Variants in HBS1L observed in about 807,000 individuals in gnomAD.
HBS1L encodes the protein HBS1 like translational GTPase, also known as HBS1-like protein.
In HBS1L, 55 loss-of-function variants were observed where a neutral mutation model predicts 88.9. That is an observed-to-expected ratio of 0.62 (90% CI 0.50 to 0.77). The LOEUF (loss-of-function observed/expected upper bound fraction) is 0.77, where lower values mean the gene tolerates loss of function less well. Ranked by LOEUF, HBS1L falls within the 30% of genes least tolerant of loss-of-function variation. The pLI is 0.00. For synonymous variants in HBS1L, 267 were observed against 288.5 expected, an observed-to-expected ratio of 0.93 and a Z score of 0.76; for missense variants, 741 against 829.3, an observed-to-expected ratio of 0.89 and a Z score of 1.31.
chr6:134,987,601 C>T, intron 9 of HBS1L, 44 bp downstream of exon 9: 1 of 1,490,960 alleles, frequency 6.7e-7, no homozygotes, highest in Non-Finnish European at 9.1e-7. Context: ...AGAATAACAT[C>T]TTAATTAGCA....
At chr6:134,974,530 G>C (rs1387170081) in intron 15 of HBS1L, among the ~76,000 whole-genome samples, 1 of 151,778 alleles carries the variant, frequency 6.6e-6, no homozygotes, top group African/African-American at 2.4e-5. Flanking sequence ...AGCAAACCAA[G>C]TCCAACAGCA....
At chr6:134,965,751 A>T (rs1774295170) in intron 17 of HBS1L, among the ~76,000 whole-genome samples, 1 of 152,186 alleles carries the variant, frequency 6.6e-6, no homozygotes, top group Admixed American at 6.5e-5. Flanking sequence ...TAACTCTGAA[A>T]GCTGTTTTCT....
intron 13 of HBS1L, 55 bp downstream of exon 13, chr6:134,982,403 A>G: frequency 9.2e-7 from 1 of 1,087,656 alleles, no homozygotes. Context: ...ACTTTTTAAA[A>G]ATCTGCTGTC....
chr6:135,041,770 C>A (rs756836253), intron 3 of HBS1L, among the ~76,000 whole-genome samples: 6 of 152,132 alleles, frequency 3.9e-5, no homozygotes, highest in Non-Finnish European at 7.4e-5. Flanking sequence ...TGGGATAGTT[C>A]AATTAAAATT....
chr6:135,034,997 C>T (rs971046193), intron 4 of HBS1L, among the ~76,000 whole-genome samples: 9 of 152,156 alleles, frequency 5.9e-5, no homozygotes, highest in Non-Finnish European at 2.9e-5. Flanking sequence ...TCCAGTGATT[C>T]TGATTGCTAG....
At chr6:135,036,477 C>A (rs1282023964) in intron 4 of HBS1L, 9 of 1,363,692 alleles carry the variant, frequency 6.6e-6, no homozygotes, top group Non-Finnish European at 8.5e-6. Flanking sequence ...GAATTTGAAT[C>A]CCATAATATA....
At chr6:135,037,768 T>C (rs1334989417) in intron 4 of HBS1L, 11 of 1,550,774 alleles carry the variant, frequency 7.1e-6, no homozygotes, top group East Asian at 4.9e-5. Context: ...TCTTGACATA[T>C]CATGAATTAG....
chr6:134,999,878 T>C (rs1417937806), intron 5 of HBS1L, among the ~76,000 whole-genome samples: 2 of 152,174 alleles, frequency 1.3e-5, no homozygotes, highest in African/African-American at 4.8e-5. Context: ...CTTCTGCATA[T>C]TATGAAATAA....
rs185442548 is a variant in HBS1L, at chr6:134,982,148, T to C, written c.1597+310A>G. The C allele has an allele frequency of 1.9e-3, 365 of 191,778 alleles. 3 individuals are homozygous for C. The highest frequency in any genetic ancestry group is 7.2e-3 in the African/African-American group (310 of 42,994). 11.9% of individuals were successfully genotyped at this position (191,778 alleles called of 1,614,324 possible). A position where few individuals can be genotyped will look rare whatever the true frequency, so the allele number is the denominator to read the frequency against. ...ATTTAATTTCTGCTACAGAATATTA[T>C]TCCAAATACATCTGTGAGGTATCTA... On this transcript the variant is annotated intron_variant, in intron 13 of 17. Coordinates refer to ENST00000367837, the MANE Select transcript of HBS1L (RefSeq NM_006620.4).
chr6:134,997,357 G>T, intron 6 of HBS1L, 40 bp downstream of exon 6: 1 of 1,610,854 alleles, frequency 6.2e-7, no homozygotes, highest in Non-Finnish European at 8.5e-7. Flanking sequence ...GCAGGCTAAG[G>T]CATGGCTGGC....
At chr6:135,046,724 C>T (rs535616013) in intron 2 of HBS1L, among the ~76,000 whole-genome samples, 47 of 152,228 alleles carry the variant, frequency 3.1e-4, no homozygotes, top group Middle Eastern at 6.8e-3. Context: ...AAAATATACA[C>T]GTGCTGATGA....
intron 9 of HBS1L, among the ~76,000 whole-genome samples, chr6:134,987,392 A>G (rs963828489): frequency 6.6e-6 from 1 of 152,152 alleles, no homozygotes; most frequent in Non-Finnish European, 1.5e-5. Context: ...TCATTCCACT[A>G]TAATAAACAT....
At chr6:134,972,036 A>C (rs1464242183) in intron 15 of HBS1L, among the ~76,000 whole-genome samples, 1 of 152,194 alleles carries the variant, frequency 6.6e-6, no homozygotes, top group Non-Finnish European at 1.5e-5. Flanking sequence ...AAACATTAAT[A>C]TTTTGATTTT....
intron 2 of HBS1L, among the ~76,000 whole-genome samples, 158 bp downstream of exon 2, chr6:135,050,424 G>A (rs374471980): frequency 4.6e-5 from 7 of 152,094 alleles, no homozygotes; most frequent in Admixed American, 2.0e-4. Context: ...CTACTCACAG[G>A]AAAAGAAATT....
Position 135,036,724 on chromosome 6 carries a change from C to T in HBS1L, c.430+2849G>A, listed in dbSNP as rs554261166. The T allele has an allele frequency of 5.2e-6, 8 of 1,550,932 alleles. No individual in the cohort carries two copies. In the East Asian group the frequency reaches 7.3e-5, roughly 14 times the overall value. ...AGTCTTATAGAGGTCAAGGGTGCGT[C>T]GCTTGCAGCTTTTCAGTGGGTAACG... On this transcript the variant is annotated intron_variant, in intron 4 of 17. Coordinates refer to ENST00000367837, the MANE Select transcript of HBS1L (RefSeq NM_006620.4).
chr6:135,050,171 A>G (rs1777035497), intron 2 of HBS1L, among the ~76,000 whole-genome samples: 1 of 152,242 alleles, frequency 6.6e-6, no homozygotes, highest in African/African-American at 2.4e-5. Flanking sequence ...AAACTGTTCA[A>G]CAGATAAACT....
chr6:135,003,948 C>CT lies in HBS1L; in HGVS notation c.431-1107dup, dbSNP rs548500212. Among the ~76,000 whole-genome samples the CT allele has an allele frequency of 8.7e-4, 132 of 151,904 alleles. 2 individuals carry two copies. Among genetic ancestry groups the CT allele is most frequent in the Admixed American group, 7.9e-4 (12 of 15,276 alleles). ...AATTATGAGCTAGATCAAAGTAAGACTTTTTTTTGCATTTGATCCCTACAT... is the reference window on the plus strand; with the variant it reads ...AATTATGAGCTAGATCAAAGTAAGACTTTTTTTTTGCATTTGATCCCTACAT... On this transcript the variant is annotated intron_variant, in intron 4 of 17. Transcript: ENST00000367837.
chr6:135,039,447 CAAT>C (rs1055678173), intron 4 of HBS1L, 123 bp downstream of exon 4: 26 of 751,704 alleles, frequency 3.5e-5, no homozygotes, highest in Non-Finnish European at 1.5e-5. Context: ...CAAAAGTTAA[CAAT>C]AACATGCAAG....
chr6:134,992,342 C>T (rs1029371057), intron 8 of HBS1L, among the ~76,000 whole-genome samples: 4 of 152,106 alleles, frequency 2.6e-5, no homozygotes, highest in African/African-American at 9.7e-5. Flanking sequence ...GAAAAACTCC[C>T]ATTGCCTGGT....
Sources: allele counts gnomAD v4.1 joint callset (sites outside exome capture counted in the v4.1 genomes callset), GRCh38; gene constraint gnomAD v4.1.1; transcripts MANE v1.5; gene names NCBI Gene and HGNC (gene_info 2026-07-23, HGNC 2026-07-21).